Variants in HCN1 observed in about 807,000 individuals in gnomAD.
The protein encoded by HCN1 is hyperpolarization activated cyclic nucleotide gated potassium channel 1.
In HCN1, 13 loss-of-function variants were observed where a neutral mutation model predicts 78.9. The observed-to-expected ratio is 0.16, with a 90% CI of 0.11 to 0.26. The LOEUF is 0.26. Among genes scored for constraint, HCN1 ranks in the 10% least tolerant of loss-of-function variants. The pLI is 1.00. For missense variants in HCN1, 810 were observed against 1,154.3 expected (o/e 0.70, Z 4.32); for synonymous variants, 552 against 455.5 (o/e 1.21, Z -2.70).
chr5:45,513,115 T>C (rs571109469), intron 2 of HCN1, among the ~76,000 whole-genome samples: 1 of 152,146 alleles, frequency 6.6e-6, no homozygotes, highest in Admixed American at 6.5e-5. Context: ...ATATGCACAA[T>C]ACACATATGG....
intron 3 of HCN1, among the ~76,000 whole-genome samples, chr5:45,460,022 G>A (rs981627649): frequency 3.9e-5 from 6 of 151,928 alleles, no homozygotes; most frequent in African/African-American, 7.3e-5. Flanking sequence ...TTTAGTTATC[G>A]AAACTACCAT....
At chr5:45,349,153 C>A (rs1219396107) in intron 5 of HCN1, among the ~76,000 whole-genome samples, 2 of 152,102 alleles carry the variant, frequency 1.3e-5, no homozygotes, top group Non-Finnish European at 2.9e-5. Flanking sequence ...TGTAAAAGAA[C>A]AGAAATTATA....
chr5:45,585,159 G>A (rs1004037032), intron 2 of HCN1, among the ~76,000 whole-genome samples: 2 of 152,122 alleles, frequency 1.3e-5, no homozygotes, highest in African/African-American at 4.8e-5. Context: ...TCACTTTCAG[G>A]TACACCAATC....
chr5:45,358,602 G>A (rs1178299192), intron 4 of HCN1, among the ~76,000 whole-genome samples: 1 of 152,000 alleles, frequency 6.6e-6, no homozygotes, highest in Non-Finnish European at 1.5e-5. Flanking sequence ...TTCAGACAGA[G>A]ACATCTTTTT....
chr5:45,514,883 A>T lies in HCN1; in HGVS notation c.850-52876T>A, dbSNP rs759052520. On this transcript the variant is annotated intron_variant, in intron 2 of 7. Transcript: ENST00000303230. ...ACTTCATGAGGCATTCATTGCAAATATTTTTTTCTTTCTGTTGAATTGAAA... is the reference window on the plus strand; with the variant it reads ...ACTTCATGAGGCATTCATTGCAAATTTTTTTTTCTTTCTGTTGAATTGAAA... Among the ~76,000 whole-genome samples the T allele has an allele frequency of 1.3e-4, 20 of 151,804 alleles. 1 individual carries two copies.
chr5:45,577,200 CAATTT>C (rs1197779678), intron 2 of HCN1, among the ~76,000 whole-genome samples: 1 of 151,918 alleles, frequency 6.6e-6, no homozygotes, highest in Non-Finnish European at 1.5e-5. Flanking sequence ...AAGGTTATTA[CAATTT>C]AATAGGTGGA....
intron 2 of HCN1, among the ~76,000 whole-genome samples, chr5:45,482,396 T>C (rs1741672919): frequency 6.6e-6 from 1 of 152,130 alleles, no homozygotes; most frequent in Non-Finnish European, 1.5e-5. Flanking sequence ...TATGTATGCT[T>C]CCCTCCCCTT....
intron 2 of HCN1, among the ~76,000 whole-genome samples, chr5:45,535,571 C>T (rs1457264976): frequency 6.6e-6 from 1 of 151,542 alleles, no homozygotes; most frequent in Non-Finnish European, 1.5e-5. Context: ...GCCCTCCAGC[C>T]TAGGGAACAG....
intron 1 of HCN1, among the ~76,000 whole-genome samples, chr5:45,666,629 T>C (rs969884152): frequency 6.6e-6 from 1 of 152,058 alleles, no homozygotes. Flanking sequence ...ATAATTGTTT[T>C]TAAAGGTTTA....
At chr5:45,374,204 A>G (rs1579851738) in intron 4 of HCN1, among the ~76,000 whole-genome samples, 1 of 114,990 alleles carries the variant, frequency 8.7e-6, no homozygotes, top group Admixed American at 1.0e-4. Flanking sequence ...TTATATACAT[A>G]ACATATATAT....
Position 45,443,538 on chromosome 5 carries a change from C to T in HCN1, c.1011+18308G>A, listed in dbSNP as rs191830711. 2.6e-5 allele frequency among the ~76,000 whole-genome samples: 4 copies of T among 152,164 alleles called. No homozygotes were observed. In the South Asian group the frequency reaches 6.2e-4, roughly 24 times the overall value. On this transcript the variant is annotated intron_variant, in intron 3 of 7. Transcript: ENST00000303230. ...GATTTATAGAAAAAAGATGCGTTAACTCATCCATTATCTCTATATAGATAA... is the reference window on the plus strand; with the variant it reads ...GATTTATAGAAAAAAGATGCGTTAATTCATCCATTATCTCTATATAGATAA...
intron 4 of HCN1, among the ~76,000 whole-genome samples, chr5:45,373,994 A>C (rs1747510473): frequency 9.5e-6 from 1 of 105,130 alleles, no homozygotes; most frequent in Non-Finnish European, 1.7e-5. Context: ...AATATATATA[A>C]TATATATTAT....
intron 2 of HCN1, among the ~76,000 whole-genome samples, chr5:45,482,847 G>C (rs912233888): frequency 1.3e-5 from 2 of 152,128 alleles, no homozygotes; most frequent in South Asian, 4.1e-4. Context: ...TTGTAAGTGA[G>C]AACATGTAGT....
intron 2 of HCN1, among the ~76,000 whole-genome samples, chr5:45,585,964 CG>C (rs1744209447): frequency 1.3e-5 from 2 of 152,184 alleles, no homozygotes; most frequent in African/African-American, 4.8e-5. Context: ...TTAGGCTACT[CG>C]GGGGTCAGGG....
At position 45,563,444 on chromosome 5, in the gene HCN1, T is replaced by G. The variant is rs190143295; in HGVS notation, c.849+81741A>C. 3.1e-3 allele frequency among the ~76,000 whole-genome samples: 465 copies of G among 151,856 alleles called. 3 individuals are homozygous for G. The highest frequency in any genetic ancestry group is 1.5e-3 in the Non-Finnish European group (101 of 67,966). On this transcript the variant is annotated intron_variant, in intron 2 of 7. Coordinates refer to ENST00000303230, the MANE Select transcript of HCN1 (RefSeq NM_021072.4). Reference sequence around the variant, plus strand: ...CCAGCCTGGAGGACAAAAGTGAGACTCCATCTCAAAAAAATAAATAAATAA... The same window carrying G: ...CCAGCCTGGAGGACAAAAGTGAGACGCCATCTCAAAAAAATAAATAAATAA...
intron 3 of HCN1, among the ~76,000 whole-genome samples, chr5:45,434,205 C>G (rs1484392958): frequency 6.6e-6 from 1 of 152,128 alleles, no homozygotes; most frequent in Non-Finnish European, 1.5e-5. Flanking sequence ...CTGATGCAAC[C>G]TATTTTCTCT....
chr5:45,669,605 A>AT (rs1282255169), intron 1 of HCN1, among the ~76,000 whole-genome samples: 1 of 151,826 alleles, frequency 6.6e-6, no homozygotes, highest in Non-Finnish European at 1.5e-5. Flanking sequence ...AAGATCCAAA[A>AT]TGGTGGTCAT....
intron 1 of HCN1, among the ~76,000 whole-genome samples, chr5:45,690,823 A>G (rs1739895788): frequency 6.6e-6 from 1 of 152,080 alleles, no homozygotes; most frequent in Non-Finnish European, 1.5e-5. Flanking sequence ...AGTACTCTTC[A>G]TGTAGTGCTA....
intron 5 of HCN1, among the ~76,000 whole-genome samples, chr5:45,352,602 T>C (rs914785787): frequency 6.6e-6 from 1 of 152,012 alleles, no homozygotes; most frequent in Non-Finnish European, 1.5e-5. Flanking sequence ...AATATTCTAG[T>C]GGGAAGAAGG....
Sources: allele counts gnomAD v4.1 joint callset (sites outside exome capture counted in the v4.1 genomes callset), GRCh38; gene constraint gnomAD v4.1.1; transcripts MANE v1.5; gene names NCBI Gene and HGNC (gene_info 2026-07-23, HGNC 2026-07-21).